The following CD9 variants were observed in gnomAD, a reference collection of about 807,000 sequenced individuals.
CD9 encodes CD9 molecule.
A neutral mutation model predicts 31.4 loss-of-function variants in CD9; 10 were observed. That is an observed-to-expected ratio of 0.32 (90% CI 0.20 to 0.54). CD9 has a LOEUF of 0.54. Among genes scored for constraint, CD9 ranks in the 20% least tolerant of loss-of-function variants. CD9 has a pLI of 0.94. For missense variants in CD9, 259 were observed against 300.1 expected, an observed-to-expected ratio of 0.86 and a Z score of 1.01; for synonymous variants, 113 against 114.1, an observed-to-expected ratio of 0.99 and a Z score of 0.06.
At chr12:6,228,171 C>G (rs1946393626) in intron 2 of CD9, among the ~76,000 whole-genome samples, 1 of 152,210 alleles carries the variant, frequency 6.6e-6, no homozygotes, top group African/African-American at 2.4e-5. Flanking sequence ...GAGAGCGGAG[C>G]TTTGAAGACT....
At chr12:6,227,416 T>TC (rs1447093079) in intron 2 of CD9, among the ~76,000 whole-genome samples, 1 of 152,194 alleles carries the variant, frequency 6.6e-6, no homozygotes, top group African/African-American at 2.4e-5. Context: ...CAGGCTCGTC[T>TC]CCAACTCCCG....
Position 6,200,452 on chromosome 12 carries a change from G to A in CD9, c.-48G>A. On this transcript the variant is annotated 5_prime_UTR_variant, in exon 1 of 8. Transcript: ENST00000009180. ...GGTCCCGCCAGTCCCAGCTGCGCGC[G>A]CCCCCCAGTCCCGCACCCGTTCGGC... 1 of 1,280,438 alleles carries A rather than the reference G, an allele frequency of 7.8e-7. No homozygotes were observed. Among genetic ancestry groups the A allele is most frequent in the Non-Finnish European group, 1.1e-6 (1 of 880,324 alleles). The allele number at this position is 1,280,438 out of a possible 1,614,324, so 79.3% of individuals were successfully genotyped here.
chr12:6,214,598 C>T (rs541572617), intron 1 of CD9, among the ~76,000 whole-genome samples: 1 of 152,108 alleles, frequency 6.6e-6, no homozygotes, highest in African/African-American at 2.4e-5. Context: ...TTCCGCCCCC[C>T]TCTCAGCCTC....
At chr12:6,234,940 TTTAGGAGCCAAG>T (rs1029100372) in intron 4 of CD9, among the ~76,000 whole-genome samples, 3 of 152,136 alleles carry the variant, frequency 2.0e-5, no homozygotes, top group African/African-American at 7.2e-5. Flanking sequence ...AGAGATTCAA[TTTAGGAGCCAAG>T]TTAGGAGCCA....
At chr12:6,230,683 C>G (rs770778193) in intron 2 of CD9, among the ~76,000 whole-genome samples, 6 of 152,222 alleles carry the variant, frequency 3.9e-5, no homozygotes, top group Middle Eastern at 3.2e-3. Context: ...GCCCTCTTAC[C>G]CAGTGCTCCA....
intron 1 of CD9, among the ~76,000 whole-genome samples, chr12:6,202,209 A>G (rs565374471): frequency 7.9e-5 from 12 of 152,304 alleles, no homozygotes; most frequent in African/African-American, 2.9e-4. Context: ...ATCAGTCACC[A>G]TAACACACAC....
intron 2 of CD9, among the ~76,000 whole-genome samples, chr12:6,231,592 G>T (rs1376352950): frequency 1.3e-5 from 2 of 152,232 alleles, no homozygotes; most frequent in Admixed American, 1.3e-4. Context: ...GCCCCTCTGG[G>T]CATTCCTTTG....
chr12:6,223,532 A>G (rs1192566191), intron 1 of CD9, among the ~76,000 whole-genome samples: 1 of 152,122 alleles, frequency 6.6e-6, no homozygotes, highest in African/African-American at 2.4e-5. Context: ...AAGAGCTGGG[A>G]TTACAGGCGT....
intron 2 of CD9, among the ~76,000 whole-genome samples, chr12:6,228,741 G>C (rs1446938516): frequency 6.6e-6 from 1 of 152,174 alleles, no homozygotes; most frequent in Non-Finnish European, 1.5e-5. Context: ...CTTCTGTACT[G>C]GCCCAGAGCC....
At chr12:6,203,149 T>C (rs2003557) in intron 1 of CD9, among the ~76,000 whole-genome samples, 22,786 of 152,116 alleles carry the variant, frequency 0.15, 2,524 homozygotes, top group African/African-American at 0.31. Flanking sequence ...CCCACTGTAC[T>C]GATGATCAGG....
chr12:6,210,711 A>G (rs979037121), intron 1 of CD9, among the ~76,000 whole-genome samples: 1 of 152,252 alleles, frequency 6.6e-6, no homozygotes, highest in African/African-American at 2.4e-5. Context: ...TCAGAATAGA[A>G]GAAATGGATC....
At chr12:6,234,686 A>G (rs1004749202) in intron 4 of CD9, among the ~76,000 whole-genome samples, 1 of 152,252 alleles carries the variant, frequency 6.6e-6, no homozygotes, top group East Asian at 1.9e-4. Context: ...TTATGATACA[A>G]TAGCTGGCAC....
chr12:6,209,998 T>G (rs1946176825), intron 1 of CD9, among the ~76,000 whole-genome samples: 1 of 152,198 alleles, frequency 6.6e-6, no homozygotes, highest in Non-Finnish European at 1.5e-5. Flanking sequence ...ACTGCTCATT[T>G]CAAATAGAAA....
chr12:6,223,669 G>A (rs1466495855), intron 1 of CD9, among the ~76,000 whole-genome samples: 5 of 152,074 alleles, frequency 3.3e-5, no homozygotes, highest in African/African-American at 1.2e-4. Context: ...CCTTGTGTAC[G>A]TGAATTCAAG....
intron 1 of CD9, among the ~76,000 whole-genome samples, chr12:6,203,882 T>C (rs1049825637): frequency 1.3e-5 from 2 of 152,162 alleles, no homozygotes; most frequent in Non-Finnish European, 2.9e-5. Context: ...AGGGAAAGGT[T>C]TGGCTATACT....
chr12:6,214,605 C>A (rs1404287124), intron 1 of CD9, among the ~76,000 whole-genome samples: 1 of 152,108 alleles, frequency 6.6e-6, no homozygotes, highest in Non-Finnish European at 1.5e-5. Context: ...CCCCTCTCAG[C>A]CTCCCAAAGT....
chr12:6,224,716 A>G (rs1946339884), intron 1 of CD9, among the ~76,000 whole-genome samples: 1 of 152,180 alleles, frequency 6.6e-6, no homozygotes, highest in South Asian at 2.1e-4. Context: ...GAGGGAGCTC[A>G]GCTGGCACTG....
At chr12:6,214,347 T>TTTTTC (rs1259526066) in intron 1 of CD9, among the ~76,000 whole-genome samples, 5 of 126,282 alleles carry the variant, frequency 4.0e-5, no homozygotes, top group African/African-American at 1.3e-4. Flanking sequence ...TTAGCCTCTT[T>TTTTTC]TTTTTTTTTT....
At chr12:6,220,762 T>TG (rs1481277229) in intron 1 of CD9, among the ~76,000 whole-genome samples, 1 of 152,220 alleles carries the variant, frequency 6.6e-6, no homozygotes. Flanking sequence ...ACAGAAAAGT[T>TG]GCAGAGATAG....
Sources: allele counts gnomAD v4.1 joint callset (sites outside exome capture counted in the v4.1 genomes callset), GRCh38; gene constraint gnomAD v4.1.1; transcripts MANE v1.5; gene names NCBI Gene and HGNC (gene_info 2026-07-23, HGNC 2026-07-21).